Variants in PCDHGA11 observed in about 807,000 individuals in gnomAD.
The protein encoded by PCDHGA11 is protocadherin gamma-A11.
In PCDHGA11, 39 loss-of-function variants were observed where a neutral mutation model predicts 60.4. The observed-to-expected ratio is 0.65, with a 90% confidence interval of 0.50 to 0.84. The LOEUF (loss-of-function observed/expected upper bound fraction) is 0.84. Among genes scored for constraint, PCDHGA11 ranks in the 40% least tolerant of loss-of-function variants. The pLI is 0.00. For synonymous variants in PCDHGA11, 533 were observed against 510.3 expected, an observed-to-expected ratio of 1.04 and a Z score of -0.60; for missense variants, 1,165 against 1,197.7, an observed-to-expected ratio of 0.97 and a Z score of 0.40.
chr5:141,440,780 C>T (rs748247053), intron 1 of PCDHGA11: 1 of 152,158 alleles, frequency 6.6e-6, no homozygotes, highest in African/African-American at 2.4e-5. Flanking sequence ...GTGCTAGCAG[C>T]CTTAGACGGC....
At chr5:141,507,676 A>G (rs2099862523) in intron 3 of PCDHGA11, among the ~76,000 whole-genome samples, 1 of 152,252 alleles carries the variant, frequency 6.6e-6, no homozygotes, top group African/African-American at 2.4e-5. Flanking sequence ...TCCAGATGTT[A>G]AAAACAGAAA....
In PCDHGA11 at chr5:141,423,227, A is replaced by C. The variant is rs1305722929; in HGVS notation, c.2000A>C (p.Asp667Ala). 3.1e-6 allele frequency: 5 copies of C among 1,613,634 alleles called. No homozygotes were observed. Among genetic ancestry groups the C allele is most frequent in the Non-Finnish European group, 2.5e-6 (3 of 1,180,006 alleles). ...GTCACGCTCACCGTGGCTGTGGCCG[A>C]CAGCATCCCCGAAGTCCTGGCGGAC... is the stretch of plus-strand genomic sequence containing the variant. ...ATVTLTVAVA[D>A]SIPEVLADLG... is the part of the protein sequence containing the mutation. The change falls in exon 1 of 4, where the codon GAC (aspartate) becomes GCC (alanine). Residue 667 changes from aspartate (D) to alanine (A), a missense_variant. By Grantham distance (126) the Asp-to-Ala change is moderately radical (BLOSUM62 -2). Transcript: ENST00000398587.
rs200356364 is a variant in PCDHGA11, at chr5:141,470,128, C to CA, written c.2434-24670dup. On this transcript the variant is annotated intron_variant, in intron 1 of 3. Transcript: ENST00000398587. ...TGAGCAACAGAGCAAGACTTCGTCT[C>CA]AAAAAAAAAGATCATAGATCATCTT... 4.0e-3 allele frequency among the ~76,000 whole-genome samples: 596 copies of CA among 150,150 alleles called. 6 individuals are homozygous for CA. The highest frequency in any genetic ancestry group is 0.011 in the Admixed American group (171 of 15,136).
At chr5:141,480,873 C>T (rs1026513782) in intron 1 of PCDHGA11, among the ~76,000 whole-genome samples, 5 of 152,050 alleles carry the variant, frequency 3.3e-5, no homozygotes, top group Non-Finnish European at 7.4e-5. Context: ...GGTGAAACCC[C>T]GTCTCTACTA....
intron 1 of PCDHGA11, among the ~76,000 whole-genome samples, chr5:141,457,057 C>T (rs1224573005): frequency 6.6e-6 from 1 of 152,182 alleles, no homozygotes; most frequent in Non-Finnish European, 1.5e-5. Flanking sequence ...TTCATGCTTC[C>T]TTTTTGCCAG....
intron 3 of PCDHGA11, among the ~76,000 whole-genome samples, chr5:141,508,871 A>T (rs981330486): frequency 5.3e-5 from 8 of 152,062 alleles, no homozygotes; most frequent in East Asian, 3.9e-4. Flanking sequence ...AAGGCTGAAG[A>T]GGCTGACGGC....
chr5:141,485,359 C>T lies in PCDHGA11; in HGVS notation c.2434-9448C>T. ...TGGATACGGACAGTCTGTCAGCTCG[C>T]AGGCTGCAGGTCGCTGGAGAGGTGA... is the stretch of plus-strand genomic sequence containing the variant. On this transcript the variant is annotated intron_variant, in intron 1 of 3. Transcript: ENST00000398587. The surrounding 1 kb of genome is among the most constrained non-coding windows in gnomAD (Gnocchi z 5.7). 6.2e-7 allele frequency: 1 copy of T among 1,614,144 alleles called. No homozygotes were observed. The highest frequency in any genetic ancestry group is 8.5e-7 in the Non-Finnish European group (1 of 1,180,010).
intron 1 of PCDHGA11, among the ~76,000 whole-genome samples, chr5:141,458,883 C>A (rs1171747288): frequency 6.6e-6 from 1 of 152,136 alleles, no homozygotes; most frequent in East Asian, 1.9e-4. Flanking sequence ...CAGGCATGCA[C>A]ACCATGCGCA....
chr5:141,498,976 G>A (rs1311505059), intron 2 of PCDHGA11, among the ~76,000 whole-genome samples: 1 of 13,010 alleles, frequency 7.7e-5, no homozygotes, highest in Non-Finnish European at 2.3e-4. Context: ...AGGGAGGGAA[G>A]GAAGGAAGGA....
At chr5:141,504,288 GT>G (rs1175142876) in intron 2 of PCDHGA11, among the ~76,000 whole-genome samples, 1 of 152,124 alleles carries the variant, frequency 6.6e-6, no homozygotes, top group Non-Finnish European at 1.5e-5. Flanking sequence ...ATCATTTCAT[GT>G]TTTTTCAACA....
chr5:141,499,223 C>T (rs1478344280), intron 2 of PCDHGA11, among the ~76,000 whole-genome samples: 2 of 152,112 alleles, frequency 1.3e-5, no homozygotes, highest in African/African-American at 4.8e-5. Context: ...CCCTGCCCTG[C>T]AGCTGTCCCC....
intron 2 of PCDHGA11, 88 bp from the exon 3 acceptor site, chr5:141,505,305 C>G (rs1363643214): frequency 1.0e-5 from 16 of 1,595,104 alleles, no homozygotes; most frequent in African/African-American, 2.7e-5. Flanking sequence ...GGTTAGGGTA[C>G]TAGGTTTGGG....
Position 141,431,570 on chromosome 5 carries a change from G to T in PCDHGA11, c.2433+7910G>T. On this transcript the variant is annotated intron_variant, in intron 1 of 3. Coordinates refer to ENST00000398587, the MANE Select transcript of PCDHGA11 (RefSeq NM_018914.3). This position sits in a 1 kb window ranked among gnomAD's most constrained non-coding sequence, Gnocchi z 4.8. The stretch of plus-strand genomic sequence containing the variant: ...TGTAGTCAACGCTACCGACCCTGAC[G>T]AAGGAGTCAATGCGGAAGTGAGGTA... The T allele has an allele frequency of 6.2e-7, 1 of 1,614,172 alleles. No homozygotes were observed. Among genetic ancestry groups the T allele is most frequent in the Non-Finnish European group, 8.5e-7 (1 of 1,180,024 alleles).
Position 141,432,289 on chromosome 5 carries a change from C to T in PCDHGA11, c.2433+8629C>T, listed in dbSNP as rs762278053. ...CGTCCTACGTGTCCATCAACTCCGACACTGGGGTACTGTATGCGCTGAGCT... is the reference window on the plus strand; with the variant it reads ...CGTCCTACGTGTCCATCAACTCCGATACTGGGGTACTGTATGCGCTGAGCT... On this transcript the variant is annotated intron_variant, in intron 1 of 3. Coordinates refer to ENST00000398587, the MANE Select transcript of PCDHGA11 (RefSeq NM_018914.3). The surrounding 1 kb of genome is among the most constrained non-coding windows in gnomAD (Gnocchi z 6.0). The T allele has an allele frequency of 6.2e-7, 1 of 1,614,266 alleles. No homozygotes were observed. Among genetic ancestry groups the T allele is most frequent in the Admixed American group, 1.7e-5 (1 of 60,038 alleles).
chr5:141,489,636 C>T lies in PCDHGA11; in HGVS notation c.2434-5171C>T. On this transcript the variant is annotated intron_variant, in intron 1 of 3. Coordinates refer to ENST00000398587, the MANE Select transcript of PCDHGA11 (RefSeq NM_018914.3). The surrounding 1 kb of genome is among the most constrained non-coding windows in gnomAD (Gnocchi z 4.5). ...TGGATCTCAATGACAACTCTCCTAG[C>T]TTTGCCACCCCTGAGCGAGAGATGC... 1.2e-6 allele frequency: 2 copies of T among 1,614,190 alleles called. No homozygotes were observed. The highest frequency in any genetic ancestry group is 1.7e-6 in the Non-Finnish European group (2 of 1,180,030).
chr5:141,424,697 T>C (rs1467404367), intron 1 of PCDHGA11: 4 of 152,342 alleles, frequency 2.6e-5, no homozygotes, highest in South Asian at 4.1e-4. Context: ...GGCTATTTTT[T>C]TGTTCATTTT....
intron 1 of PCDHGA11, chr5:141,424,773 T>C (rs1398493027): frequency 6.6e-6 from 1 of 152,206 alleles, no homozygotes; most frequent in African/African-American, 2.4e-5. Flanking sequence ...TGGCAAATAG[T>C]ACATTCAGTT....
intron 2 of PCDHGA11, among the ~76,000 whole-genome samples, chr5:141,499,984 G>A (rs1350203006): frequency 6.6e-6 from 1 of 151,872 alleles, no homozygotes; most frequent in East Asian, 1.9e-4. Context: ...CACCTTGCCC[G>A]GCCAGATGAT....
intron 2 of PCDHGA11, 22 bp from the exon 3 acceptor site, chr5:141,505,371 C>G: frequency 1.2e-6 from 2 of 1,613,980 alleles, no homozygotes; most frequent in Non-Finnish European, 1.7e-6. Context: ...AGTCTGTGCT[C>G]ACCATCCTAC....
Sources: allele counts gnomAD v4.1 joint callset (sites outside exome capture counted in the v4.1 genomes callset), GRCh38; gene constraint gnomAD v4.1.1; non-coding constraint Gnocchi (gnomAD v3.1); transcripts MANE v1.5; gene names NCBI Gene and HGNC (gene_info 2026-07-23, HGNC 2026-07-21).